The following EBF2 variants were observed in gnomAD, a reference collection of about 807,000 sequenced individuals.
EBF2 encodes EBF transcription factor 2, also known as transcription factor COE2.
Under a neutral mutation model 72.8 loss-of-function variants are expected in EBF2, and 21 were observed. The observed-to-expected ratio is 0.29, with a 90% CI of 0.20 to 0.42. EBF2 has a LOEUF of 0.42. Among genes scored for constraint, EBF2 ranks in the 10% least tolerant of loss-of-function variants. The pLI is 1.00. For synonymous variants in EBF2, 299 were observed against 274.2 expected, an observed-to-expected ratio of 1.09 and a Z score of -0.89; for missense variants, 637 against 731.2, an observed-to-expected ratio of 0.87 and a Z score of 1.49.
intron 6 of EBF2, among the ~76,000 whole-genome samples, chr8:26,004,819 A>T (rs1804808302): frequency 6.6e-6 from 1 of 152,012 alleles, no homozygotes; most frequent in South Asian, 2.1e-4. Flanking sequence ...TAAACCCTTC[A>T]ACTTCCAAAT....
rs111534020 is a variant in EBF2 at position 25,859,023 on chromosome 8, C to T, written c.1343-519G>A. Among the ~76,000 whole-genome samples the T allele has an allele frequency of 8.7e-3, 1,331 of 152,178 alleles. 21 individuals carry two copies. The highest frequency in any genetic ancestry group is 0.031 in the African/African-American group (1,268 of 41,504). On this transcript the variant is annotated intron_variant, in intron 13 of 15. Coordinates refer to ENST00000520164, the MANE Select transcript of EBF2 (RefSeq NM_022659.4). Reference sequence around the variant, plus strand: ...TATGTAAGGCCATGCCCTTGATACTCCATTCAAACCTGCACTCAGCACCTC... The same window carrying T: ...TATGTAAGGCCATGCCCTTGATACTTCATTCAAACCTGCACTCAGCACCTC...
chr8:25,984,131 A>C (rs1214377525), intron 6 of EBF2, among the ~76,000 whole-genome samples: 1 of 152,198 alleles, frequency 6.6e-6, no homozygotes, highest in Non-Finnish European at 1.5e-5. Context: ...GTAAACTAGA[A>C]TCCAAATAAA....
chr8:25,874,921 AGTG>A, intron 10 of EBF2, among the ~76,000 whole-genome samples: 1 of 147,358 alleles, frequency 6.8e-6, no homozygotes, highest in Non-Finnish European at 1.5e-5. Context: ...CCTGGCCTCA[AGTG>A]ATCCTCTGGC....
chr8:25,882,927 C>T (rs1802628161), intron 10 of EBF2, among the ~76,000 whole-genome samples: 1 of 152,200 alleles, frequency 6.6e-6, no homozygotes, highest in African/African-American at 2.4e-5. Context: ...AATGTCTCAG[C>T]ACATGAAGAA....
At chr8:25,951,871 G>T (rs560938079) in intron 6 of EBF2, among the ~76,000 whole-genome samples, 14 of 152,248 alleles carry the variant, frequency 9.2e-5, no homozygotes, top group African/African-American at 3.4e-4. Context: ...TGAACATTCA[G>T]AATTCGTCGG....
intron 6 of EBF2, among the ~76,000 whole-genome samples, chr8:25,911,558 A>C (rs1803131469): frequency 1.3e-5 from 2 of 152,176 alleles, no homozygotes; most frequent in African/African-American, 4.8e-5. Flanking sequence ...GTTAGCCTTG[A>C]CCTGTGGCTA....
chr8:25,999,099 G>C (rs967417499), intron 6 of EBF2, among the ~76,000 whole-genome samples: 1 of 152,076 alleles, frequency 6.6e-6, no homozygotes, highest in African/African-American at 2.4e-5. Context: ...GAAAGATTAG[G>C]TTCCCTCTTA....
chr8:25,931,142 T>C (rs1803473591), intron 6 of EBF2, among the ~76,000 whole-genome samples: 1 of 152,114 alleles, frequency 6.6e-6, no homozygotes, highest in African/African-American at 2.4e-5. Flanking sequence ...CAGCAGCCAG[T>C]GAACACTGGA....
rs376263372 is a variant in EBF2, at chr8:26,001,642, G to A, written c.551+31443C>T. Among the ~76,000 whole-genome samples, 14 of 151,958 alleles carry A rather than the reference G, an allele frequency of 9.2e-5. No individual in the cohort carries two copies. The East Asian group carries it at 9.7e-4, about 11-fold the overall frequency. ...TTGGCTCACTGCAACCTCCACCTCC[G>A]AGTTCAAGCGATTCTCCTGCCTCAG... is the stretch of plus-strand genomic sequence containing the variant. On this transcript the variant is annotated intron_variant, in intron 6 of 15. Coordinates refer to ENST00000520164, the MANE Select transcript of EBF2 (RefSeq NM_022659.4).
chr8:25,941,299 G>C (rs563780913), intron 6 of EBF2, among the ~76,000 whole-genome samples: 1 of 150,898 alleles, frequency 6.6e-6, no homozygotes, highest in South Asian at 2.1e-4. Flanking sequence ...TCCGCCTCCC[G>C]GGTTCAAGTG....
At chr8:25,914,382 TGA>T (rs1803176822) in intron 6 of EBF2, among the ~76,000 whole-genome samples, 1 of 152,112 alleles carries the variant, frequency 6.6e-6, no homozygotes, top group African/African-American at 2.4e-5. Flanking sequence ...CTAGGGAAGG[TGA>T]AGGTTAGCAG....
intron 6 of EBF2, among the ~76,000 whole-genome samples, chr8:26,008,629 G>C (rs563049397): frequency 6.6e-6 from 1 of 152,044 alleles, no homozygotes; most frequent in Non-Finnish European, 1.5e-5. Flanking sequence ...AAGAATTAAG[G>C]CTTCCCATTT....
chr8:25,933,644 C>T (rs1378373993), intron 6 of EBF2, among the ~76,000 whole-genome samples: 1 of 152,160 alleles, frequency 6.6e-6, no homozygotes. Context: ...TTCCTTGCAG[C>T]ATTGTTTATA....
intron 10 of EBF2, among the ~76,000 whole-genome samples, chr8:25,878,187 C>T (rs1169091019): frequency 6.6e-6 from 1 of 152,164 alleles, no homozygotes; most frequent in Non-Finnish European, 1.5e-5. Context: ...CTTTTAAAAC[C>T]CTCTAGGTTT....
intron 5 of EBF2, among the ~76,000 whole-genome samples, chr8:26,034,506 A>C (rs1158785272): frequency 5.3e-5 from 8 of 152,168 alleles, no homozygotes; most frequent in Non-Finnish European, 1.2e-4. Flanking sequence ...GAGGGGTGCA[A>C]AACACTCCAG....
chr8:25,917,166 T>G (rs1378080240), intron 6 of EBF2, among the ~76,000 whole-genome samples: 1 of 151,108 alleles, frequency 6.6e-6, no homozygotes, highest in African/African-American at 2.4e-5. Context: ...TGGGGTTAGA[T>G]GTTGTGAGGT....
intron 14 of EBF2, among the ~76,000 whole-genome samples, chr8:25,857,810 G>A (rs1388041810): frequency 1.3e-5 from 2 of 152,132 alleles, no homozygotes; most frequent in Non-Finnish European, 2.9e-5. Flanking sequence ...AAGCAGCATG[G>A]TGTGATACAC....
At chr8:25,992,994 G>A (rs952213667) in intron 6 of EBF2, among the ~76,000 whole-genome samples, 1 of 152,056 alleles carries the variant, frequency 6.6e-6, no homozygotes, top group African/African-American at 2.4e-5. Flanking sequence ...ACCCAGCTTT[G>A]TGTGCTGAGT....
rs202001939 is a variant in EBF2 at position 26,018,670 on chromosome 8, C to CA, written c.551+14414dup. ...TGGGTGACTGAGCAAGACTCCATCT[C>CA]AAAAAAAAAGAAGTGAGAGAGAAAC... On this transcript the variant is annotated intron_variant, in intron 6 of 15. Coordinates refer to ENST00000520164, the MANE Select transcript of EBF2 (RefSeq NM_022659.4). Among the ~76,000 whole-genome samples the CA allele has an allele frequency of 1.0e-2, 1,483 of 148,964 alleles. 26 individuals carry two copies. The highest frequency in any genetic ancestry group is 0.035 in the African/African-American group (1,417 of 40,510).
Sources: allele counts gnomAD v4.1 joint callset (sites outside exome capture counted in the v4.1 genomes callset), GRCh38; gene constraint gnomAD v4.1.1; transcripts MANE v1.5; gene names NCBI Gene and HGNC (gene_info 2026-07-23, HGNC 2026-07-21).